The following CDH13 variants were observed in gnomAD, a reference collection of about 807,000 sequenced individuals.
The protein encoded by CDH13 is cadherin-13.
In CDH13, 24 loss-of-function variants were observed where a neutral mutation model predicts 63.8. The ratio of observed to expected loss-of-function variants is 0.38; its 90% CI spans 0.27 to 0.53. The LOEUF is 0.53. CDH13 is among the 20% of genes least tolerant of loss of function. The probability of loss-of-function intolerance (pLI) is 0.85; values close to 1 mark genes in which losing one functional copy is unlikely to be tolerated. For synonymous variants in CDH13, 503 were observed against 355.3 expected, an observed-to-expected ratio of 1.42 and a Z score of -4.67; for missense variants, 1,049 against 903.1, an observed-to-expected ratio of 1.16 and a Z score of -2.07.
chr16:82,823,006 G>T (rs140768969), intron 1 of CDH13, among the ~76,000 whole-genome samples: 12 of 152,240 alleles, frequency 7.9e-5, no homozygotes, highest in Non-Finnish European at 1.6e-4. Context: ...GAGGGTTGAG[G>T]CTGGAACTGC....
chr16:83,044,056 A>G (rs527713139), intron 3 of CDH13, among the ~76,000 whole-genome samples: 11 of 152,286 alleles, frequency 7.2e-5, no homozygotes, highest in African/African-American at 2.6e-4. Flanking sequence ...AAAGGATGGA[A>G]AGGATCATTC....
intron 2 of CDH13, among the ~76,000 whole-genome samples, chr16:82,955,936 G>A (rs959179790): frequency 6.6e-6 from 1 of 152,162 alleles, no homozygotes; most frequent in African/African-American, 2.4e-5. Context: ...TATGAAATAT[G>A]CAAGAGTCTG....
At chr16:83,514,664 G>A (rs371835793) in intron 7 of CDH13, among the ~76,000 whole-genome samples, 21 of 152,150 alleles carry the variant, frequency 1.4e-4, no homozygotes, top group East Asian at 9.7e-4. Flanking sequence ...AAGAGAAGAA[G>A]AGGAGAGAGA....
intron 2 of CDH13, among the ~76,000 whole-genome samples, chr16:82,904,047 G>A (rs569537666): frequency 1.2e-4 from 18 of 151,504 alleles, no homozygotes; most frequent in East Asian, 1.9e-4. Flanking sequence ...ATTATAACCC[G>A]TTATTAAAAT....
At chr16:83,204,722 T>A (rs74031472) in intron 4 of CDH13, among the ~76,000 whole-genome samples, 7,088 of 152,240 alleles carry the variant, frequency 0.047, 344 homozygotes, top group African/African-American at 0.12. Context: ...CAAATTTCAG[T>A]TGATCAAAAA....
intron 10 of CDH13, among the ~76,000 whole-genome samples, chr16:83,702,437 G>A (rs578231387): frequency 6.6e-6 from 1 of 152,252 alleles, no homozygotes; most frequent in South Asian, 2.1e-4. Context: ...GCCTCTTCAA[G>A]GTGTAGCCTC....
At chr16:83,788,784 G>T (rs1916059842) in intron 13 of CDH13, among the ~76,000 whole-genome samples, 1 of 152,296 alleles carries the variant, frequency 6.6e-6, no homozygotes, top group Admixed American at 6.5e-5. Flanking sequence ...AGCATCTGAT[G>T]ATTGTATCTC....
At chr16:82,890,568 T>C (rs1183835681) in intron 2 of CDH13, among the ~76,000 whole-genome samples, 1 of 151,730 alleles carries the variant, frequency 6.6e-6, no homozygotes, top group Non-Finnish European at 1.5e-5. Context: ...TAGAGTGGAG[T>C]TTTCAAGGTC....
At position 82,939,192 on chromosome 16, in the gene CDH13, G is replaced by A. The variant is rs563317873; in HGVS notation, c.157+80719G>A. Among the ~76,000 whole-genome samples the A allele has an allele frequency of 1.3e-5, 2 of 152,308 alleles. 1 individual carries two copies. The highest frequency in any genetic ancestry group is 4.1e-4 in the South Asian group (2 of 4,828). On this transcript the variant is annotated intron_variant, in intron 2 of 13. Transcript: ENST00000567109. ...CAATCCCAGACATTTCAGAGGCTGA[G>A]GCAGATGGATCACCTGAGCTCAGGG...
intron 6 of CDH13, among the ~76,000 whole-genome samples, chr16:83,473,794 G>A (rs532100658): frequency 7.9e-5 from 12 of 152,252 alleles, no homozygotes; most frequent in East Asian, 3.9e-4. Flanking sequence ...TTTGCCTCTC[G>A]TCTCAGCCAC....
At chr16:83,056,161 G>A (rs2030906778) in intron 3 of CDH13, among the ~76,000 whole-genome samples, 1 of 152,260 alleles carries the variant, frequency 6.6e-6, no homozygotes, top group Non-Finnish European at 1.5e-5. Flanking sequence ...AAATTATTCA[G>A]ATACTATTAT....
At chr16:83,232,555 A>AAC (rs1555516502) in intron 5 of CDH13, among the ~76,000 whole-genome samples, 2 of 148,860 alleles carry the variant, frequency 1.3e-5, no homozygotes, top group South Asian at 2.1e-4. Flanking sequence ...CAAACAAACA[A>AAC]AAAAAAAAAA....
In CDH13 at chr16:83,798,236, T is replaced by G. The variant is rs1379016974; in HGVS notation, c.*3206T>G. ...AAATAAATACACTGGGTCTTAATCTTAAGATGTGACAACTAAAAAATTTTT... is the reference window on the plus strand; with the variant it reads ...AAATAAATACACTGGGTCTTAATCTGAAGATGTGACAACTAAAAAATTTTT... On this transcript the variant is annotated 3_prime_UTR_variant, in exon 14 of 14. Transcript: ENST00000567109. 2 of 152,222 alleles carry G rather than the reference T, an allele frequency of 1.3e-5. No homozygotes were observed. Among genetic ancestry groups the G allele is most frequent in the Non-Finnish European group, 2.9e-5 (2 of 68,046 alleles). The allele number at this position is 152,222 out of a possible 1,614,324, so 9.4% of individuals were successfully genotyped here.
In CDH13 at chr16:82,917,262, G is replaced by C. The variant is rs566359481; in HGVS notation, c.157+58789G>C. ...GGCAGTGCAAAAGCCTGACCATGCT[G>C]ATCTCCATTGGGTGGGTCCAATGGA... is the stretch of plus-strand genomic sequence containing the variant. On this transcript the variant is annotated intron_variant, in intron 2 of 13. Transcript: ENST00000567109. Among the ~76,000 whole-genome samples, 22 of 152,326 alleles carry C rather than the reference G, an allele frequency of 1.4e-4. No homozygotes were observed. The South Asian group carries it at 4.6e-3, about 32-fold the overall frequency.
chr16:83,137,907 C>T (rs1254765020), intron 4 of CDH13, among the ~76,000 whole-genome samples: 1 of 151,224 alleles, frequency 6.6e-6, no homozygotes, highest in African/African-American at 2.4e-5. Flanking sequence ...GAATGAAGAA[C>T]TTCTTTTATT....
intron 1 of CDH13, among the ~76,000 whole-genome samples, chr16:82,665,517 A>G (rs143645332): frequency 1.3e-3 from 194 of 152,328 alleles, no homozygotes; most frequent in African/African-American, 4.6e-3. Context: ...TTCATAGAAC[A>G]TAAGTACCAT....
chr16:83,060,304 A>G (rs1173878281), intron 3 of CDH13, among the ~76,000 whole-genome samples: 1 of 152,234 alleles, frequency 6.6e-6, no homozygotes, highest in Non-Finnish European at 1.5e-5. Context: ...AGTCCAGCTG[A>G]AAAATTGTGG....
intron 4 of CDH13, among the ~76,000 whole-genome samples, chr16:83,140,881 T>A (rs58591065): frequency 6.6e-6 from 1 of 152,122 alleles, no homozygotes; most frequent in Admixed American, 6.5e-5. Context: ...GCACCAAGAA[T>A]GCCCAGCAAT....
intron 2 of CDH13, among the ~76,000 whole-genome samples, chr16:82,915,272 T>C (rs1375340343): frequency 6.6e-6 from 1 of 152,214 alleles, no homozygotes; most frequent in Non-Finnish European, 1.5e-5. Context: ...GAGTCTAATG[T>C]AACAGGCTAA....
Sources: allele counts gnomAD v4.1 joint callset (sites outside exome capture counted in the v4.1 genomes callset), GRCh38; gene constraint gnomAD v4.1.1; transcripts MANE v1.5; gene names NCBI Gene and HGNC (gene_info 2026-07-23, HGNC 2026-07-21).